RIMS2: variants seen among roughly 807,000 people sequenced by gnomAD.
RIMS2 encodes the protein regulating synaptic membrane exocytosis 2.
A neutral mutation model predicts 174.4 loss-of-function variants in RIMS2; 59 were observed. That is an observed-to-expected ratio of 0.34 (90% CI 0.27 to 0.42). The LOEUF (loss-of-function observed/expected upper bound fraction) is 0.42. Ranked by LOEUF, RIMS2 falls within the 10% of genes least tolerant of loss-of-function variation. The pLI is 1.00. For synonymous variants in RIMS2, 606 were observed against 572.5 expected (o/e 1.06, Z -0.84); for missense variants, 1,620 against 1,666.3 (o/e 0.97, Z 0.48).
rs1015989812 is a variant in RIMS2 at position 103,608,366 on chromosome 8, C to T, written c.177-88720C>T. On this transcript the variant is annotated intron_variant, in intron 1 of 23. Transcript: ENST00000504942. ...CTGCCCGTTCTCAGATCTCCAGCTG[C>T]GTACTGGGAGAACCACTGCTCTCTT... Among the ~76,000 whole-genome samples, 13 of 143,386 alleles carry T rather than the reference C, an allele frequency of 9.1e-5. 3 individuals carry two copies. The highest frequency in any genetic ancestry group is 8.5e-4 in the South Asian group (4 of 4,690). The allele number at this position is 143,386 out of a possible 152,430, so 94.1% of individuals were successfully genotyped here. A position where few individuals can be genotyped will look rare whatever the true frequency, so the allele number is the denominator to read the frequency against.
chr8:103,915,870 G>C (rs1375074700), intron 7 of RIMS2, among the ~76,000 whole-genome samples: 1 of 151,554 alleles, frequency 6.6e-6, no homozygotes, highest in South Asian at 2.1e-4. Flanking sequence ...TTTTTCTTTT[G>C]AGAAAATTCC....
intron 1 of RIMS2, among the ~76,000 whole-genome samples, chr8:103,555,382 G>A (rs1849940606): frequency 1.3e-5 from 2 of 152,146 alleles, no homozygotes; most frequent in African/African-American, 2.4e-5. Flanking sequence ...TGGAAATTAT[G>A]TTGAGAGAAG....
chr8:104,101,554 A>T (rs941877432), intron 19 of RIMS2, among the ~76,000 whole-genome samples: 5 of 151,974 alleles, frequency 3.3e-5, no homozygotes, highest in African/African-American at 1.2e-4. Context: ...TTTGAGATAC[A>T]TATAGATACA....
At chr8:103,789,883 G>T (rs1378140297) in intron 3 of RIMS2, among the ~76,000 whole-genome samples, 3 of 150,508 alleles carry the variant, frequency 2.0e-5, no homozygotes, top group African/African-American at 7.3e-5. Context: ...GTCCCAAATA[G>T]CTGGGACTAC....
chr8:104,048,565 A>G (rs893176383), intron 19 of RIMS2, among the ~76,000 whole-genome samples: 7 of 152,192 alleles, frequency 4.6e-5, no homozygotes, highest in African/African-American at 1.7e-4. Context: ...TAGAAATAGA[A>G]ATTCAAATAA....
intron 1 of RIMS2, among the ~76,000 whole-genome samples, chr8:103,518,053 C>A (rs573358074): frequency 6.6e-6 from 1 of 152,068 alleles, no homozygotes; most frequent in African/African-American, 2.4e-5. Context: ...CTATGACATG[C>A]AGGCAGCCTG....
intron 1 of RIMS2, among the ~76,000 whole-genome samples, chr8:103,588,081 C>T (rs1021864033): frequency 6.6e-6 from 1 of 151,678 alleles, no homozygotes; most frequent in African/African-American, 2.4e-5. Flanking sequence ...AAGCAACATA[C>T]AAAATCAGTA....
chr8:103,635,279 C>T (rs1363022014), intron 1 of RIMS2, among the ~76,000 whole-genome samples: 2 of 152,186 alleles, frequency 1.3e-5, no homozygotes, highest in Admixed American at 1.3e-4. Context: ...AGTTTCTTAA[C>T]ATTTTCTTAT....
Position 103,583,394 on chromosome 8 carries a change from C to G in RIMS2, c.176+82332C>G, listed in dbSNP as rs1278931893. ...GTGCCTAGACACTGAAGAAGATCTG[C>G]TAGCATCAACACCATCTGGGAAAAC... On this transcript the variant is annotated intron_variant, in intron 1 of 23. Coordinates refer to ENST00000504942, the Ensembl canonical transcript of RIMS2. Among the ~76,000 whole-genome samples the G allele has an allele frequency of 2.6e-5, 4 of 152,244 alleles. No individual in the cohort carries two copies. In the South Asian group the frequency reaches 6.2e-4, roughly 24 times the overall value.
chr8:104,149,491 T>TACA (rs1339011107), intron 19 of RIMS2, among the ~76,000 whole-genome samples: 1 of 152,206 alleles, frequency 6.6e-6, no homozygotes, highest in Non-Finnish European at 1.5e-5. Flanking sequence ...ATAAATTATA[T>TACA]ACAACACTCC....
intron 3 of RIMS2, among the ~76,000 whole-genome samples, chr8:103,840,435 G>T (rs759598020): frequency 3.9e-5 from 6 of 151,902 alleles, no homozygotes; most frequent in Non-Finnish European, 7.4e-5. Flanking sequence ...GTGGGTTGTG[G>T]TAATTCATTT....
rs2098362872 is a variant in RIMS2 at position 104,120,875 on chromosome 8, CT to C, written c.3334+106261del. ...TTCTAAAAGATCCAGTTCTTTCCCT[CT>C]AGTCACCAATCCTGAAAGAAATAAA... On this transcript the variant is annotated intron_variant, in intron 19 of 23. Coordinates refer to ENST00000504942, the Ensembl canonical transcript of RIMS2. Among the ~76,000 whole-genome samples, 3 of 152,144 alleles carry C rather than the reference CT, an allele frequency of 2.0e-5. No homozygotes were observed. In the South Asian group the frequency reaches 6.2e-4, roughly 31 times the overall value.
intron 9 of RIMS2, among the ~76,000 whole-genome samples, chr8:103,921,195 C>T (rs1002819016): frequency 9.2e-5 from 14 of 151,954 alleles, no homozygotes; most frequent in Non-Finnish European, 1.9e-4. Flanking sequence ...TTTTTTCATG[C>T]CCCTCACTTC....
At chr8:103,915,859 C>G (rs987865574) in intron 7 of RIMS2, among the ~76,000 whole-genome samples, 4 of 151,782 alleles carry the variant, frequency 2.6e-5, no homozygotes, top group African/African-American at 9.7e-5. Context: ...CCCCTAAGAC[C>G]TTTTTCTTTT....
At chr8:104,022,751 T>A (rs916362382) in intron 19 of RIMS2, among the ~76,000 whole-genome samples, 6 of 152,204 alleles carry the variant, frequency 3.9e-5, no homozygotes, top group Non-Finnish European at 8.8e-5. Context: ...CTAGTGACAA[T>A]GATTATTGGA....
chr8:103,504,112 T>C (rs1292787691), intron 1 of RIMS2, among the ~76,000 whole-genome samples: 1 of 152,108 alleles, frequency 6.6e-6, no homozygotes, highest in East Asian at 1.9e-4. Context: ...GCTGTAGCAG[T>C]TTAAATTTGG....
At chr8:103,593,833 A>G (rs2094371258) in intron 1 of RIMS2, among the ~76,000 whole-genome samples, 1 of 151,348 alleles carries the variant, frequency 6.6e-6, no homozygotes, top group Non-Finnish European at 1.5e-5. Context: ...TTTAAAAATA[A>G]ATAGAAAATT....
intron 1 of RIMS2, among the ~76,000 whole-genome samples, chr8:103,639,647 G>A (rs2096179750): frequency 6.6e-6 from 1 of 151,876 alleles, no homozygotes; most frequent in South Asian, 2.1e-4. Flanking sequence ...TTGCTGAGTA[G>A]TATTCTCTTG....
chr8:103,512,202 C>T (rs1826824106), intron 1 of RIMS2, among the ~76,000 whole-genome samples: 1 of 152,148 alleles, frequency 6.6e-6, no homozygotes, highest in African/African-American at 2.4e-5. Flanking sequence ...ACCTTGAAGT[C>T]CTTTCTTCCT....
Sources: allele counts gnomAD v4.1 joint callset (sites outside exome capture counted in the v4.1 genomes callset), GRCh38; gene constraint gnomAD v4.1.1; transcripts MANE v1.5; gene names NCBI Gene and HGNC (gene_info 2026-07-23, HGNC 2026-07-21).